The following SOS1 variants were observed in gnomAD, a reference collection of about 807,000 sequenced individuals.
The protein encoded by SOS1 is SOS Ras/Rac guanine nucleotide exchange factor 1, also known as son of sevenless homolog 1.
SOS1 carries 25 observed loss-of-function variants against 157.6 expected under a neutral mutation model. That is an observed-to-expected ratio of 0.16 (90% CI 0.12 to 0.22). SOS1 has a LOEUF of 0.22. Ranked by LOEUF, SOS1 falls within the 10% of genes least tolerant of loss-of-function variation. SOS1 has a pLI of 1.00. For synonymous variants in SOS1, 528 were observed against 534.0 expected (o/e 0.99, Z 0.16); for missense variants, 1,237 against 1,599.1 (o/e 0.77, Z 3.86).
In SOS1 at chr2:39,051,203, T is replaced by C. The variant is rs1671005559; in HGVS notation, c.805A>G (p.Met269Val). 1.2e-6 allele frequency: 2 copies of C among 1,613,618 alleles called. No homozygotes were observed. Among genetic ancestry groups the C allele is most frequent in the Non-Finnish European group, 1.7e-6 (2 of 1,179,558 alleles). Reference protein sequence around the residue: ...LLGHIEDTVEMTDEGSPHPLV... With the variant: ...LLGHIEDTVEVTDEGSPHPLV... ...GGATGGGGACTGCCTTCATCTGTCA[T>C]TTCTACTGTATCTTCTATATGGCCC... The change falls in exon 6 of 23, where the codon ATG becomes GTG. Residue 269 changes from methionine to valine, a missense_variant. Around this residue, in one of 15 missense-constraint regions of SOS1, gnomAD observed 108 missense variants for 115.3 expected, o/e 0.94. Transcript: ENST00000402219.
At chr2:39,109,692 T>A (rs1246612974) in intron 1 of SOS1, among the ~76,000 whole-genome samples, 1 of 152,218 alleles carries the variant, frequency 6.6e-6, no homozygotes, top group East Asian at 1.9e-4. Context: ...GTGCAGTTTG[T>A]CCTCATAAAA....
At position 39,120,506 on chromosome 2, in the gene SOS1, G is replaced by C. The variant is rs1166449814; in HGVS notation, c.-84C>G. 6.5e-6 allele frequency: 8 copies of C among 1,228,838 alleles called. No individual in the cohort carries two copies. Among genetic ancestry groups the C allele is most frequent in the Non-Finnish European group, 8.1e-6 (8 of 983,764 alleles). The allele number at this position is 1,228,838 out of a possible 1,614,324, so 76.1% of individuals were successfully genotyped here. Reference sequence around the variant, plus strand: ...CGCGAGAGGGCGAGCTCGCAGCGCGGAACAGGGCCGCGGCCCCACCGGACG... The same window carrying C: ...CGCGAGAGGGCGAGCTCGCAGCGCGCAACAGGGCCGCGGCCCCACCGGACG... On this transcript the variant is annotated 5_prime_UTR_variant, in exon 1 of 23. Transcript: ENST00000402219.
At chr2:39,106,968 T>C (rs1363457213) in intron 1 of SOS1, among the ~76,000 whole-genome samples, 3 of 152,236 alleles carry the variant, frequency 2.0e-5, no homozygotes, top group African/African-American at 7.2e-5. Flanking sequence ...TTTAATTACA[T>C]AAACATTGAA....
At chr2:39,078,544 G>C (rs1377849276) in intron 1 of SOS1, among the ~76,000 whole-genome samples, 2 of 151,876 alleles carry the variant, frequency 1.3e-5, no homozygotes, top group African/African-American at 4.8e-5. Context: ...AGCCTACCGG[G>C]GAGCATTACC....
chr2:39,109,347 T>G (rs1161380184), intron 1 of SOS1, among the ~76,000 whole-genome samples: 1 of 152,236 alleles, frequency 6.6e-6, no homozygotes, highest in Non-Finnish European at 1.5e-5. Context: ...CTGTGCTATC[T>G]TTCCATTAAC....
intron 8 of SOS1, among the ~76,000 whole-genome samples, chr2:39,031,884 T>A (rs1399876285): frequency 2.0e-5 from 3 of 152,308 alleles, no homozygotes; most frequent in South Asian, 4.1e-4. Context: ...GTTTTTTTAC[T>A]TCATAAAAAA....
chr2:39,016,025 T>C (rs191473542), intron 10 of SOS1, among the ~76,000 whole-genome samples: 15 of 152,116 alleles, frequency 9.9e-5, no homozygotes, highest in Non-Finnish European at 1.3e-4. Flanking sequence ...AAAAGCAGAA[T>C]GTATTTGTTT....
intron 1 of SOS1, among the ~76,000 whole-genome samples, chr2:39,103,075 T>C (rs1673033244): frequency 6.6e-6 from 1 of 152,142 alleles, no homozygotes; most frequent in Non-Finnish European, 1.5e-5. Flanking sequence ...AACAATAACA[T>C]CTAAAAGAGT....
intron 1 of SOS1, among the ~76,000 whole-genome samples, chr2:39,115,031 C>A (rs1673592499): frequency 1.3e-5 from 2 of 152,194 alleles, no homozygotes; most frequent in South Asian, 4.1e-4. Context: ...CTATTTCCCA[C>A]TCCCTTCCCC....
intron 1 of SOS1, among the ~76,000 whole-genome samples, chr2:39,104,355 A>G (rs1673084897): frequency 6.6e-6 from 1 of 152,226 alleles, no homozygotes; most frequent in Non-Finnish European, 1.5e-5. Context: ...AGACATACAA[A>G]TGGCCAATAA....
intron 1 of SOS1, among the ~76,000 whole-genome samples, chr2:39,075,884 T>C (rs999023822): frequency 1.3e-5 from 2 of 152,142 alleles, no homozygotes; most frequent in Non-Finnish European, 2.9e-5. Context: ...TTATAAATTA[T>C]CAAAACTGAC....
chr2:39,116,086 T>C (rs542548079), intron 1 of SOS1, among the ~76,000 whole-genome samples: 5 of 152,382 alleles, frequency 3.3e-5, no homozygotes, highest in Admixed American at 6.5e-5. Flanking sequence ...AGAGGCTTCA[T>C]CTATATTTAT....
intron 6 of SOS1, among the ~76,000 whole-genome samples, chr2:39,037,333 T>C (rs1164097062): frequency 2.6e-5 from 4 of 152,216 alleles, no homozygotes; most frequent in African/African-American, 4.8e-5. Context: ...GAAATGATCA[T>C]ATGCCAAATA....
At chr2:39,029,285 A>C (rs1670076167) in intron 8 of SOS1, among the ~76,000 whole-genome samples, 1 of 152,238 alleles carries the variant, frequency 6.6e-6, no homozygotes, top group South Asian at 2.1e-4. Context: ...TAATCAGAGA[A>C]AACATCACTA....
chr2:39,069,917 A>G (rs1203512412), intron 1 of SOS1, among the ~76,000 whole-genome samples: 1 of 152,192 alleles, frequency 6.6e-6, no homozygotes, highest in Non-Finnish European at 1.5e-5. Context: ...CATTTGCCCA[A>G]GAACTTTTGA....
rs1350115335 is a variant in SOS1, at chr2:39,012,252, T to G, written c.2264A>C (p.Gln755Pro). 6.2e-7 allele frequency: 1 copy of G among 1,613,554 alleles called. No homozygotes were observed. The highest frequency in any genetic ancestry group is 1.1e-5 in the South Asian group (1 of 91,076). ...DNGPGHNITF[Q>P]SSPPTVEWHI... Reference sequence around the variant, plus strand: ...CCACTCAACTGTGGGAGGTGAACTCTGAAATGTAATATTATGACCTGGTCC... The same window carrying G: ...CCACTCAACTGTGGGAGGTGAACTCGGAAATGTAATATTATGACCTGGTCC... The change falls in exon 14 of 23, where the codon CAG becomes CCG. Residue 755 changes from glutamine (Q) to proline (P), a missense_variant. Gln to Pro is a moderately conservative substitution (Grantham distance 76). Coordinates refer to ENST00000402219, the MANE Select transcript of SOS1 (RefSeq NM_005633.4).
Position 38,998,353 on chromosome 2 carries a change from G to A in SOS1, c.2792-928C>T, listed in dbSNP as rs191471384. On this transcript the variant is annotated intron_variant, in intron 17 of 22. Transcript: ENST00000402219. ...CAACCTCCTCTTCCTGGGTTCAAGCGATTCTCCTGTCTCAGCCTCCTGAGT... is the reference window on the plus strand; with the variant it reads ...CAACCTCCTCTTCCTGGGTTCAAGCAATTCTCCTGTCTCAGCCTCCTGAGT... Among the ~76,000 whole-genome samples, 386 of 152,104 alleles carry A rather than the reference G, an allele frequency of 2.5e-3. 1 individual carries two copies. Among genetic ancestry groups the A allele is most frequent in the Non-Finnish European group, 4.4e-3 (302 of 67,984 alleles).
At chr2:39,058,626 G>C (rs1333772609) in intron 3 of SOS1, 47 bp downstream of exon 3, 16 of 1,593,440 alleles carry the variant, frequency 1.0e-5, no homozygotes, top group African/African-American at 9.4e-5. Context: ...AAAATGGTGG[G>C]TTTTATTTTT....
At chr2:39,010,033 T>C (rs1669409708) in intron 15 of SOS1, among the ~76,000 whole-genome samples, 1 of 152,026 alleles carries the variant, frequency 6.6e-6, no homozygotes, top group African/African-American at 2.4e-5. Context: ...AAAATTGCAT[T>C]GGTCAGGAGC....
Sources: allele counts gnomAD v4.1 joint callset (sites outside exome capture counted in the v4.1 genomes callset), GRCh38; gene constraint gnomAD v4.1.1; regional missense constraint gnomAD v4.1.1; transcripts MANE v1.5; gene names NCBI Gene and HGNC (gene_info 2026-07-23, HGNC 2026-07-21).